EPHB2: variants seen among roughly 807,000 people sequenced by gnomAD.
The protein encoded by EPHB2 is EPH receptor B2.
In EPHB2, 18 loss-of-function variants were observed where a neutral mutation model predicts 96.4. That is an observed-to-expected ratio of 0.19 (90% CI 0.13 to 0.28). EPHB2 has a LOEUF of 0.28. Among genes scored for constraint, EPHB2 ranks in the 10% least tolerant of loss-of-function variants. The probability of loss-of-function intolerance (pLI) is 1.00; values close to 1 mark genes in which losing one functional copy is unlikely to be tolerated. For synonymous variants in EPHB2, 506 were observed against 534.1 expected (o/e 0.95, Z 0.72); for missense variants, 989 against 1,355.4 (o/e 0.73, Z 4.25).
At chr1:22,806,908 C>T (rs1387569696) in intron 3 of EPHB2, among the ~76,000 whole-genome samples, 4 of 152,046 alleles carry the variant, frequency 2.6e-5, no homozygotes, top group African/African-American at 9.7e-5. Context: ...ACCCCCCAGC[C>T]CTACTTCCCC....
At chr1:22,829,190 T>G (rs1214867049) in intron 3 of EPHB2, among the ~76,000 whole-genome samples, 2 of 152,270 alleles carry the variant, frequency 1.3e-5, no homozygotes, top group Non-Finnish European at 2.9e-5. Flanking sequence ...GCGGATCCAC[T>G]ATGGGGCTGG....
intron 3 of EPHB2, among the ~76,000 whole-genome samples, chr1:22,816,704 C>G (rs1394831633): frequency 2.0e-5 from 3 of 152,206 alleles, no homozygotes; most frequent in Non-Finnish European, 4.4e-5. Flanking sequence ...CCCCTCACAG[C>G]AACTGTAGGA....
intron 1 of EPHB2, among the ~76,000 whole-genome samples, chr1:22,717,880 TTG>T (rs1024906504): frequency 6.0e-4 from 91 of 152,274 alleles, no homozygotes; most frequent in Non-Finnish European, 1.3e-3. Context: ...GTCCTCTGGC[TTG>T]TGTTTTCACC....
In EPHB2 at chr1:22,885,317, A is replaced by C. The variant is rs571886606; in HGVS notation, c.1428+2834A>C. ...CAACGGAAATGAGGAATCCCAGGGC[A>C]GGTCCTGCCTGCGACCCATTTCCTA... On this transcript the variant is annotated intron_variant, in intron 6 of 15. Transcript: ENST00000374630. Among the ~76,000 whole-genome samples the C allele has an allele frequency of 4.6e-5, 7 of 152,340 alleles. 1 individual carries two copies. The highest frequency in any genetic ancestry group is 1.7e-4 in the African/African-American group (7 of 41,590).
chr1:22,726,758 A>G (rs1298246955), intron 1 of EPHB2, among the ~76,000 whole-genome samples: 1 of 152,190 alleles, frequency 6.6e-6, no homozygotes, highest in Non-Finnish European at 1.5e-5. Flanking sequence ...CAGGTAAAAA[A>G]GCAGGCTCTG....
Position 22,920,407 on chromosome 1 carries a change from G to A in EPHB2, c.*6837G>A, listed in dbSNP as rs1350331921. 4 of 152,272 alleles carry A rather than the reference G, an allele frequency of 2.6e-5. No homozygotes were observed. Among genetic ancestry groups the A allele is most frequent in the African/African-American group, 9.7e-5 (4 of 41,444 alleles). 9.4% of individuals were successfully genotyped at this position (152,272 alleles called of 1,614,324 possible). ...CCGAAGCAGAACCCCTTCCTATTCA[G>A]AGCCAGAGTCTTAACACTGGACAAC... is the stretch of plus-strand genomic sequence containing the variant. On this transcript the variant is annotated 3_prime_UTR_variant, in exon 16 of 16. Transcript: ENST00000374630.
rs1245788933 is a variant in EPHB2, at chr1:22,784,340, T to A, written c.127-52T>A. ...TGTGTCTTCCACCTTAGACTGAGTG[T>A]GTGCTGGGGCTGAGCCCTTACCTCC... On this transcript the variant is annotated intron_variant, in intron 2 of 15. Coordinates refer to ENST00000374630, the MANE Select transcript of EPHB2 (RefSeq NM_017449.5). The surrounding 1 kb of genome is among the most constrained non-coding windows in gnomAD (Gnocchi z 5.1). 6.4e-7 allele frequency: 1 copy of A among 1,568,968 alleles called. No homozygotes were observed. Among genetic ancestry groups the A allele is most frequent in the Non-Finnish European group, 8.8e-7 (1 of 1,141,164 alleles).
intron 1 of EPHB2, among the ~76,000 whole-genome samples, chr1:22,750,294 G>A (rs557794036): frequency 6.6e-6 from 1 of 152,314 alleles, no homozygotes; most frequent in East Asian, 1.9e-4. Flanking sequence ...ATTTTCAGCA[G>A]GCAAGGGGCA....
chr1:22,791,285 G>A (rs1035525073), intron 3 of EPHB2, among the ~76,000 whole-genome samples: 5 of 151,720 alleles, frequency 3.3e-5, no homozygotes, highest in Admixed American at 1.3e-4. Context: ...TTACTGATAA[G>A]CAAAAAGGAA....
Position 22,895,486 on chromosome 1 carries a change from A to G in EPHB2, c.1606A>G (p.Ser536Gly). 3 of 1,614,244 alleles carry G rather than the reference A, an allele frequency of 1.9e-6. No homozygotes were observed. The highest frequency in any genetic ancestry group is 2.5e-6 in the Non-Finnish European group (3 of 1,180,044). ...TTTCTCCCCAGCCGAGTACCAGACAAGCATCCAGGAGAAGTTGCCACTCAT... is the reference window on the plus strand; with the variant it reads ...TTTCTCCCCAGCCGAGTACCAGACAGGCATCCAGGAGAAGTTGCCACTCAT... ...QTMTEAEYQT[S>G]IQEKLPLIIG... Residue 536 changes from serine to glycine, a missense_variant, in exon 8 of 16, where the codon AGC becomes GGC. Transcript: ENST00000374630.
intron 3 of EPHB2, among the ~76,000 whole-genome samples, chr1:22,815,864 T>G (rs1570329380): frequency 6.6e-6 from 1 of 152,138 alleles, no homozygotes; most frequent in Non-Finnish European, 1.5e-5. Flanking sequence ...CTGACGGCTG[T>G]CTAAGCTCCC....
chr1:22,722,216 C>G (rs1643483808), intron 1 of EPHB2, among the ~76,000 whole-genome samples: 1 of 151,972 alleles, frequency 6.6e-6, no homozygotes, highest in Non-Finnish European at 1.5e-5. Context: ...AGGCTGGTCT[C>G]AAACTCCTGG....
intron 3 of EPHB2, among the ~76,000 whole-genome samples, chr1:22,803,068 CA>C (rs961092034): frequency 1.8e-4 from 28 of 152,264 alleles, no homozygotes; most frequent in African/African-American, 6.7e-4. Flanking sequence ...GGGCCACCAG[CA>C]CAGAGACCTG....
intron 9 of EPHB2, among the ~76,000 whole-genome samples, chr1:22,900,251 G>A (rs1181002014): frequency 6.7e-6 from 1 of 148,654 alleles, no homozygotes; most frequent in African/African-American, 2.5e-5. Flanking sequence ...CTGAGATCAC[G>A]TCACTGCACT....
chr1:22,784,000 G>A (rs1328097227), intron 2 of EPHB2, among the ~76,000 whole-genome samples: 2 of 152,102 alleles, frequency 1.3e-5, no homozygotes. Flanking sequence ...GAGGGCAGAG[G>A]TCCTGTCTCC....
Position 22,765,615 on chromosome 1 carries a change from G to A in EPHB2, c.62-15806G>A, listed in dbSNP as rs111811913. On this transcript the variant is annotated intron_variant, in intron 1 of 15. Coordinates refer to ENST00000374630, the MANE Select transcript of EPHB2 (RefSeq NM_017449.5). ...CATTCTCCTTTGCTGGAACCCTGGGGCCCTTCCCCAGTTCTGTCTTTCCAC... is the reference window on the plus strand; with the variant it reads ...CATTCTCCTTTGCTGGAACCCTGGGACCCTTCCCCAGTTCTGTCTTTCCAC... 2.5e-3 allele frequency among the ~76,000 whole-genome samples: 376 copies of A among 151,382 alleles called. 2 individuals are homozygous for A. The highest frequency in any genetic ancestry group is 8.6e-3 in the African/African-American group (356 of 41,196).
At chr1:22,912,802 T>C in intron 15 of EPHB2, 1 of 696,880 alleles carries the variant, frequency 1.4e-6, no homozygotes, top group East Asian at 2.9e-5. Flanking sequence ...GTGACCTTGG[T>C]CAAATCATAG....
At position 22,875,940 on chromosome 1, in the gene EPHB2, T is replaced by G. The variant is rs1161184292; in HGVS notation, c.1304-6419T>G. 6.6e-6 allele frequency among the ~76,000 whole-genome samples: 1 copy of G among 151,890 alleles called. No homozygotes were observed. The highest frequency in any genetic ancestry group is 1.5e-5 in the Non-Finnish European group (1 of 67,990). On this transcript the variant is annotated intron_variant, in intron 5 of 15. Transcript: ENST00000374630. This position sits in a 1 kb window ranked among gnomAD's most constrained non-coding sequence, Gnocchi z 4.2. ...AAGAGGTTTCCAAGCAGAAACACCA[T>G]AGGGCCAAGGCCCTGAGGCAGAACA...
chr1:22,782,587 A>C (rs1431470200), intron 2 of EPHB2, among the ~76,000 whole-genome samples: 3 of 152,098 alleles, frequency 2.0e-5, no homozygotes, highest in African/African-American at 7.2e-5. Context: ...CCTTGCCAGT[A>C]ATGAGGCCAG....
Sources: allele counts gnomAD v4.1 joint callset (sites outside exome capture counted in the v4.1 genomes callset), GRCh38; gene constraint gnomAD v4.1.1; non-coding constraint Gnocchi (gnomAD v3.1); transcripts MANE v1.5; gene names NCBI Gene and HGNC (gene_info 2026-07-23, HGNC 2026-07-21).